The following CSMD2 variants were observed in gnomAD, a reference collection of about 807,000 sequenced individuals.
CSMD2 encodes CUB and sushi domain-containing protein 2.
Under a neutral mutation model 398.5 loss-of-function variants are expected in CSMD2, and 130 were observed. That is an observed-to-expected ratio of 0.33 (90% CI 0.28 to 0.38). The LOEUF is 0.38. Ranked by LOEUF, CSMD2 falls within the 10% of genes least tolerant of loss-of-function variation. The pLI is 1.00. For synonymous variants in CSMD2, 1,828 were observed against 1,908.5 expected (o/e 0.96, Z 1.10); for missense variants, 3,829 against 4,764.9 (o/e 0.80, Z 5.78).
chr1:33,735,004 G>A (rs1646839057), intron 15 of CSMD2, among the ~76,000 whole-genome samples: 3 of 152,070 alleles, frequency 2.0e-5, no homozygotes, highest in South Asian at 4.2e-4. Context: ...TCCATGTGAT[G>A]TCCTGTCTTC....
intron 60 of CSMD2, among the ~76,000 whole-genome samples, chr1:33,539,700 T>C (rs755981373): frequency 2.0e-5 from 3 of 152,182 alleles, no homozygotes; most frequent in Admixed American, 2.0e-4. Context: ...CCATAATTCA[T>C]TGTTAAAAGG....
chr1:34,157,863 C>T (rs1640952046), intron 1 of CSMD2, among the ~76,000 whole-genome samples: 1 of 152,158 alleles, frequency 6.6e-6, no homozygotes, highest in African/African-American at 2.4e-5. Flanking sequence ...ATCTCCTTCC[C>T]TCTCATCTGC....
At chr1:33,872,280 AAAGT>A (rs2125148427) in intron 5 of CSMD2, among the ~76,000 whole-genome samples, 1 of 152,332 alleles carries the variant, frequency 6.6e-6, no homozygotes, top group South Asian at 2.1e-4. Context: ...AAAAAAAGTT[AAAGT>A]GAGACAGGAC....
rs759298187 is a variant in CSMD2, at chr1:33,521,533, G to A, written c.10527C>T (p.Ser3509=). ...AGCCTTGGTAGATGAAGGTGGCTCCGGAGGACTCTGACGAGACCTGTGATG... is the reference window on the plus strand; with the variant it reads ...AGCCTTGGTAGATGAAGGTGGCTCCAGAGGACTCTGACGAGACCTGTGATG... ...ALDGHVSSES[S]GATFIYQGSV... The change falls in exon 68 of 71, where the codon TCC becomes TCT. Residue 3509 remains serine (S), a synonymous_variant. Coordinates refer to ENST00000373381, the MANE Select transcript of CSMD2 (RefSeq NM_001281956.2). 8.1e-6 allele frequency: 13 copies of A among 1,612,244 alleles called. No individual in the cohort carries two copies. The highest frequency in any genetic ancestry group is 8.0e-5 in the African/African-American group (6 of 74,874).
At chr1:33,908,437 G>A (rs1016765039) in intron 5 of CSMD2, among the ~76,000 whole-genome samples, 3 of 152,240 alleles carry the variant, frequency 2.0e-5, no homozygotes, top group Admixed American at 6.5e-5. Context: ...GAGAGGTCGA[G>A]GACAGCATTT....
At chr1:33,783,015 G>A (rs1415848166) in intron 12 of CSMD2, among the ~76,000 whole-genome samples, 1 of 152,112 alleles carries the variant, frequency 6.6e-6, no homozygotes, top group Non-Finnish European at 1.5e-5. Context: ...CACTATTCAA[G>A]TGAGAGGTGA....
intron 65 of CSMD2, among the ~76,000 whole-genome samples, chr1:33,525,825 C>T (rs191935301): frequency 6.6e-6 from 1 of 152,198 alleles, no homozygotes; most frequent in African/African-American, 2.4e-5. Context: ...GCTGGGATTA[C>T]AGGCATGCAC....
intron 6 of CSMD2, among the ~76,000 whole-genome samples, chr1:33,828,642 C>T (rs1342168769): frequency 6.6e-6 from 1 of 152,140 alleles, no homozygotes; most frequent in Non-Finnish European, 1.5e-5. Flanking sequence ...ATATGTGTGG[C>T]CATGAGGGGA....
intron 10 of CSMD2, among the ~76,000 whole-genome samples, chr1:33,798,286 T>C (rs1249040842): frequency 6.6e-6 from 1 of 152,158 alleles, no homozygotes; most frequent in African/African-American, 2.4e-5. Flanking sequence ...ATTAGATAAA[T>C]GAATAAACAA....
intron 1 of CSMD2, among the ~76,000 whole-genome samples, chr1:34,158,044 G>A (rs946656166): frequency 3.9e-5 from 6 of 152,188 alleles, no homozygotes; most frequent in Non-Finnish European, 7.3e-5. Context: ...CTCATTTTTA[G>A]AAGAGGAGTA....
At chr1:33,734,959 T>A (rs1200282784) in intron 15 of CSMD2, among the ~76,000 whole-genome samples, 1 of 152,240 alleles carries the variant, frequency 6.6e-6, no homozygotes, top group East Asian at 1.9e-4. Flanking sequence ...TGTCTTCTGC[T>A]GTCATTTTGT....
intron 15 of CSMD2, among the ~76,000 whole-genome samples, chr1:33,737,520 C>T (rs944884704): frequency 2.6e-5 from 4 of 152,182 alleles, no homozygotes; most frequent in African/African-American, 4.8e-5. Context: ...ACTCTTCAAG[C>T]GGGTTCCCAT....
chr1:33,758,600 A>G (rs2149294625), intron 13 of CSMD2, among the ~76,000 whole-genome samples: 1 of 152,380 alleles, frequency 6.6e-6, no homozygotes, highest in East Asian at 1.9e-4. Flanking sequence ...TGAGGGTGCC[A>G]GATAATCAAC....
intron 5 of CSMD2, among the ~76,000 whole-genome samples, chr1:33,880,410 C>T (rs995374288): frequency 3.9e-5 from 6 of 152,164 alleles, no homozygotes; most frequent in African/African-American, 1.4e-4. Context: ...ATTTCCATAC[C>T]ACCTACTCTT....
chr1:34,082,093 A>C (rs1657238442), intron 2 of CSMD2, among the ~76,000 whole-genome samples: 1 of 124,064 alleles, frequency 8.1e-6, no homozygotes, highest in Admixed American at 8.3e-5. Flanking sequence ...CTGGCCGCCC[A>C]TCATCTGGGA....
Position 33,550,241 on chromosome 1 carries a change from C to T in CSMD2, c.8853G>A (p.Val2951=). The T allele has an allele frequency of 6.2e-7, 1 of 1,614,218 alleles. No individual in the cohort carries two copies. Among genetic ancestry groups the T allele is most frequent in the Non-Finnish European group, 8.5e-7 (1 of 1,180,040 alleles). ...GCCCACACATGCGGGTGCTGTTTCCCACCAGAGTACGCTTGCCGATGCAGC... is the reference window on the plus strand; with the variant it reads ...GCCCACACATGCGGGTGCTGTTTCCTACCAGAGTACGCTTGCCGATGCAGC... ...RYSCIGKRTL[V]GNSTRMCGLD... is the part of the protein sequence containing the mutation. Residue 2951 remains valine, a synonymous_variant, in exon 56 of 71, where the codon GTG becomes GTA. Transcript: ENST00000373381.
chr1:34,130,610 A>T (rs774614876), intron 1 of CSMD2, among the ~76,000 whole-genome samples: 2 of 152,002 alleles, frequency 1.3e-5, no homozygotes, highest in African/African-American at 4.8e-5. Context: ...CTGCTGTGTG[A>T]AGAAGGAACC....
intron 9 of CSMD2, among the ~76,000 whole-genome samples, chr1:33,812,541 C>T (rs566204927): frequency 6.6e-6 from 1 of 152,264 alleles, no homozygotes; most frequent in Non-Finnish European, 1.5e-5. Context: ...CTTGATACAA[C>T]TGGGCCCTAT....
chr1:34,072,110 G>A (rs2148300132), intron 2 of CSMD2, among the ~76,000 whole-genome samples: 1 of 152,350 alleles, frequency 6.6e-6, no homozygotes, highest in African/African-American at 2.4e-5. Flanking sequence ...AGTAGAAATT[G>A]ATGCAGTAGC....
Sources: gnomAD v4.1 joint callset for allele counts (sites outside exome capture counted in the v4.1 genomes callset) on GRCh38, gnomAD v4.1.1 for gene constraint, MANE v1.5 for transcripts, NCBI Gene and HGNC (gene_info 2026-07-23, HGNC 2026-07-21) for gene names.